The following F13A1 variants were observed in gnomAD, a reference collection of about 807,000 sequenced individuals.
F13A1 encodes the protein coagulation factor XIII A chain.
In F13A1, 47 loss-of-function variants were observed where a neutral mutation model predicts 80.1. The observed-to-expected ratio is 0.59, with a 90% CI of 0.46 to 0.75. F13A1 has a LOEUF of 0.75. Among genes scored for constraint, F13A1 ranks in the 30% least tolerant of loss-of-function variants. The pLI is 0.00. For synonymous variants in F13A1, 349 were observed against 344.9 expected, an observed-to-expected ratio of 1.01 and a Z score of -0.13; for missense variants, 817 against 930.4, an observed-to-expected ratio of 0.88 and a Z score of 1.59.
chr6:6,147,909 T>C (rs551608427), intron 14 of F13A1, among the ~76,000 whole-genome samples: 3 of 152,332 alleles, frequency 2.0e-5, no homozygotes, highest in South Asian at 4.1e-4. Context: ...GATGTTGTGA[T>C]AAACGATTCT....
Position 6,317,108 on chromosome 6 carries a change from C to T in F13A1, c.130+1427G>A, listed in dbSNP as rs543799406. Among the ~76,000 whole-genome samples the T allele has an allele frequency of 2.6e-5, 4 of 152,118 alleles. No homozygotes were observed. The South Asian group carries it at 8.3e-4, about 32-fold the overall frequency. On this transcript the variant is annotated intron_variant, in intron 2 of 14. Coordinates refer to ENST00000264870, the MANE Select transcript of F13A1 (RefSeq NM_000129.4). ...CGGGGGCCCAGAGTCTTTTGGGCCA[C>T]AGGGGAATTTTGCTAGAAGATGGAA...
At chr6:6,205,733 G>A (rs982316038) in intron 8 of F13A1, among the ~76,000 whole-genome samples, 1 of 150,456 alleles carries the variant, frequency 6.6e-6, no homozygotes, top group African/African-American at 2.5e-5. Flanking sequence ...TTTTAGTGTA[G>A]TACCTCCAAA....
chr6:6,185,257 T>TC (rs1424336401), intron 10 of F13A1, among the ~76,000 whole-genome samples: 1 of 149,848 alleles, frequency 6.7e-6, no homozygotes, highest in East Asian at 2.0e-4. Context: ...ATTAGGTATA[T>TC]CTCCCTATGC....
chr6:6,295,652 G>C (rs1413677618), intron 3 of F13A1, among the ~76,000 whole-genome samples: 3 of 143,866 alleles, frequency 2.1e-5, no homozygotes, highest in African/African-American at 8.5e-5. Context: ...TTAGCCCTTT[G>C]TCAGATGAGT....
chr6:6,145,621 A>G lies in F13A1; in HGVS notation c.2197T>C (p.Ter733ArgextTer7). 1 of 1,614,164 alleles carries G rather than the reference A, an allele frequency of 6.2e-7. No homozygotes were observed. Reference sequence around the variant, plus strand: ...GTTCATCTCAGCTTCCTGTGCATTCACATGGAAGGTCGTCTTTGAATCTGC... The same window carrying G: ...GTTCATCTCAGCTTCCTGTGCATTCGCATGGAAGGTCGTCTTTGAATCTGC... The part of the protein sequence containing the change: ...DVQIQRRPSM[*>R] The change falls in exon 15 of 15, where the codon TGA becomes CGA. Residue 733 changes from the stop codon to arginine, a stop_lost. Transcript: ENST00000264870.
intron 3 of F13A1, among the ~76,000 whole-genome samples, chr6:6,283,252 AG>A (rs1364168622): frequency 6.6e-6 from 1 of 152,252 alleles, no homozygotes; most frequent in Non-Finnish European, 1.5e-5. Flanking sequence ...AGTCAAAGCA[AG>A]ATTATGAATC....
At chr6:6,310,878 G>A (rs1434088116) in intron 2 of F13A1, among the ~76,000 whole-genome samples, 1 of 152,156 alleles carries the variant, frequency 6.6e-6, no homozygotes, top group Non-Finnish European at 1.5e-5. Flanking sequence ...AAGTCACAAG[G>A]TAAAGAAGGT....
chr6:6,160,192 G>C lies in F13A1; in HGVS notation c.1908+7266C>G, dbSNP rs955624007. Among the ~76,000 whole-genome samples the C allele has an allele frequency of 2.7e-5, 4 of 150,628 alleles. 1 individual carries two copies. Among genetic ancestry groups the C allele is most frequent in the African/African-American group, 9.8e-5 (4 of 40,954 alleles). On this transcript the variant is annotated intron_variant, in intron 13 of 14. Coordinates refer to ENST00000264870, the MANE Select transcript of F13A1 (RefSeq NM_000129.4). ...CTTGGGAGACTGAGGTAGGATAATT[G>C]CTTGAACCCAGGAGACGAAGGTTGC...
intron 4 of F13A1, among the ~76,000 whole-genome samples, chr6:6,259,735 A>G (rs1757751668): frequency 1.3e-5 from 2 of 152,322 alleles, no homozygotes; most frequent in South Asian, 4.1e-4. Context: ...TTAAACCTCA[A>G]GTGTGCCAGA....
chr6:6,287,357 C>T (rs572873989), intron 3 of F13A1, among the ~76,000 whole-genome samples: 1 of 152,256 alleles, frequency 6.6e-6, no homozygotes, highest in South Asian at 2.1e-4. Flanking sequence ...AGTACAGTTT[C>T]AATTATGTGG....
intron 14 of F13A1, among the ~76,000 whole-genome samples, chr6:6,148,897 A>G (rs903959334): frequency 6.6e-6 from 1 of 152,320 alleles, no homozygotes. Context: ...ATTTGTAACA[A>G]CATGAATTAG....
At position 6,195,441 on chromosome 6, in the gene F13A1, C is replaced by A. The variant is rs185336368; in HGVS notation, c.1305+356G>T. ...TAGTCCCAGAGGGAAGTGGCATGTC[C>A]TGAAATTTCAATTCATGACCCATCT... On this transcript the variant is annotated intron_variant, in intron 10 of 14. Coordinates refer to ENST00000264870, the MANE Select transcript of F13A1 (RefSeq NM_000129.4). Among the ~76,000 whole-genome samples, 130 of 152,282 alleles carry A rather than the reference C, an allele frequency of 8.5e-4. 1 individual carries two copies. The highest frequency in any genetic ancestry group is 2.9e-3 in the African/African-American group (119 of 41,552).
At chr6:6,203,490 A>G (rs912025918) in intron 8 of F13A1, among the ~76,000 whole-genome samples, 5 of 152,264 alleles carry the variant, frequency 3.3e-5, no homozygotes, top group African/African-American at 1.2e-4. Flanking sequence ...TCAAAGCAGC[A>G]GAGACATTCT....
At chr6:6,156,808 T>C (rs1273552243) in intron 13 of F13A1, among the ~76,000 whole-genome samples, 1 of 152,192 alleles carries the variant, frequency 6.6e-6, no homozygotes, top group Admixed American at 6.5e-5. Context: ...ATGTAAAAAA[T>C]TCAGTTCCTC....
chr6:6,207,065 C>T (rs567724747), intron 8 of F13A1, among the ~76,000 whole-genome samples: 9 of 152,002 alleles, frequency 5.9e-5, no homozygotes, highest in African/African-American at 2.2e-4. Context: ...AAGCAAACAA[C>T]AATCTGAGGG....
Position 6,248,168 on chromosome 6 carries a change from T to A in F13A1, c.798+144A>T, listed in dbSNP as rs903522858. The A allele has an allele frequency of 4.0e-6, 3 of 745,260 alleles. No homozygotes were observed. In the African/African-American group the frequency reaches 5.2e-5, roughly 13 times the overall value. The allele number at this position is 745,260 out of a possible 1,614,324, so 46.2% of individuals were successfully genotyped here. A position where few individuals can be genotyped will look rare whatever the true frequency, so the allele number is the denominator to read the frequency against. Reference sequence around the variant, plus strand: ...TAAGCTCAGAAAATTCCAGGAGCTATAACTGGGTGTCAGAAGCTAGAATCT... The same window carrying A: ...TAAGCTCAGAAAATTCCAGGAGCTAAAACTGGGTGTCAGAAGCTAGAATCT... On this transcript the variant is annotated intron_variant, in intron 6 of 14. Transcript: ENST00000264870.
chr6:6,196,702 G>A (rs560913319), intron 9 of F13A1, among the ~76,000 whole-genome samples: 1 of 152,284 alleles, frequency 6.6e-6, no homozygotes, highest in African/African-American at 2.4e-5. Flanking sequence ...AAATCTGGGG[G>A]AGGTCAGAGC....
At chr6:6,293,874 C>A (rs950848364) in intron 3 of F13A1, among the ~76,000 whole-genome samples, 1 of 150,956 alleles carries the variant, frequency 6.6e-6, no homozygotes, top group Non-Finnish European at 1.5e-5. Flanking sequence ...ATCCCATGAC[C>A]TAGGTTCTGA....
At chr6:6,294,227 G>C (rs1431280432) in intron 3 of F13A1, among the ~76,000 whole-genome samples, 1 of 152,148 alleles carries the variant, frequency 6.6e-6, no homozygotes, top group African/African-American at 2.4e-5. Flanking sequence ...TTGAGTCAGT[G>C]GGCTGGGGAA....
Sources: allele counts gnomAD v4.1 joint callset (sites outside exome capture counted in the v4.1 genomes callset), GRCh38; gene constraint gnomAD v4.1.1; transcripts MANE v1.5; gene names NCBI Gene and HGNC (gene_info 2026-07-23, HGNC 2026-07-21).